Variants in SGCZ observed in about 807,000 individuals in gnomAD.
SGCZ encodes the protein zeta-sarcoglycan.
In SGCZ, 40 loss-of-function variants were observed where a neutral mutation model predicts 41.3. That is an observed-to-expected ratio of 0.97 (90% confidence interval 0.75 to 1.26). The LOEUF (loss-of-function observed/expected upper bound fraction) is 1.26, where lower values mean the gene tolerates loss of function less well. SGCZ is among the 50% of genes most tolerant of loss of function. SGCZ has a pLI of 0.00. For missense variants in SGCZ, 552 were observed against 369.8 expected (o/e 1.49, Z -4.04); for synonymous variants, 206 against 137.5 (o/e 1.50, Z -3.49).
chr8:14,612,476 C>T (rs1313884716), intron 1 of SGCZ, among the ~76,000 whole-genome samples: 1 of 152,006 alleles, frequency 6.6e-6, no homozygotes, highest in Non-Finnish European at 1.5e-5. Flanking sequence ...TATAACTTAC[C>T]CAGACTCAGG....
At chr8:14,573,168 C>T (rs1239448433) in intron 1 of SGCZ, among the ~76,000 whole-genome samples, 3 of 150,114 alleles carry the variant, frequency 2.0e-5, no homozygotes, top group African/African-American at 7.3e-5. Context: ...TTAAATTTGC[C>T]TCCAAGCTTT....
intron 1 of SGCZ, among the ~76,000 whole-genome samples, chr8:14,955,100 T>C (rs180706967): frequency 2.0e-5 from 3 of 152,280 alleles, no homozygotes; most frequent in African/African-American, 7.2e-5. Flanking sequence ...TTTTCTTCAA[T>C]AGTAATAATC....
In SGCZ at chr8:14,652,078, CT is replaced by C. The variant is rs1807418356; in HGVS notation, c.40-97153del. On this transcript the variant is annotated intron_variant, in intron 1 of 7. Coordinates refer to ENST00000382080, the MANE Select transcript of SGCZ (RefSeq NM_139167.4). The stretch of plus-strand genomic sequence containing the variant: ...ATCACGGAAAGAATAACAAAACATG[CT>C]TTTCTGATCTCTCAATGAGACGGAT... Among the ~76,000 whole-genome samples the C allele has an allele frequency of 3.3e-5, 5 of 151,796 alleles. No individual in the cohort carries two copies. The South Asian group carries it at 1.0e-3, about 32-fold the overall frequency.
chr8:14,114,847 G>A (rs967902430), intron 5 of SGCZ, among the ~76,000 whole-genome samples: 3 of 151,812 alleles, frequency 2.0e-5, no homozygotes, highest in African/African-American at 7.2e-5. Context: ...TGAGTTTTAG[G>A]AGGAAAAGCT....
At chr8:14,586,054 C>T (rs1407909499) in intron 1 of SGCZ, among the ~76,000 whole-genome samples, 1 of 152,170 alleles carries the variant, frequency 6.6e-6, no homozygotes, top group Non-Finnish European at 1.5e-5. Context: ...TCCAGCAATA[C>T]TAAGTTAAAA....
chr8:15,141,895 C>CA lies in SGCZ; in HGVS notation c.39+95689dup, dbSNP rs10553934. Among the ~76,000 whole-genome samples the CA allele has an allele frequency of 6.1e-4, 88 of 144,434 alleles. 1 individual carries two copies. The highest frequency in any genetic ancestry group is 4.1e-3 in the East Asian group (20 of 4,928). 94.8% of individuals were successfully genotyped at this position (144,434 alleles called of 152,430 possible). A position where few individuals can be genotyped will look rare whatever the true frequency, so the allele number is the denominator to read the frequency against. ...CAGCATGGCAACAGTGTGAGACTCT[C>CA]AAAAAAAAAAAAAACAAAAAAAATG... is the stretch of plus-strand genomic sequence containing the variant. On this transcript the variant is annotated intron_variant, in intron 1 of 7. Transcript: ENST00000382080.
At chr8:14,802,472 G>A (rs1359735078) in intron 1 of SGCZ, among the ~76,000 whole-genome samples, 1 of 152,060 alleles carries the variant, frequency 6.6e-6, no homozygotes, top group East Asian at 1.9e-4. Flanking sequence ...CCATTCAGGG[G>A]ATACTCCCAT....
chr8:14,460,487 T>G (rs768267), intron 2 of SGCZ, among the ~76,000 whole-genome samples: 6,937 of 152,208 alleles, frequency 0.046, 496 homozygotes, highest in African/African-American at 0.16. Flanking sequence ...GGAAAGGCAG[T>G]GGGACGATTT....
chr8:14,730,280 AATATAG>A (rs1454598789), intron 1 of SGCZ, among the ~76,000 whole-genome samples: 5 of 152,264 alleles, frequency 3.3e-5, no homozygotes, highest in Non-Finnish European at 5.9e-5. Context: ...TTTGAGAAAA[AATATAG>A]ATATAGAGAA....
chr8:14,456,857 G>A (rs182698585), intron 2 of SGCZ, among the ~76,000 whole-genome samples: 3 of 152,250 alleles, frequency 2.0e-5, no homozygotes, highest in African/African-American at 7.2e-5. Flanking sequence ...GTTCTCATAA[G>A]ATCTGGTGGT....
intron 2 of SGCZ, among the ~76,000 whole-genome samples, chr8:14,328,089 C>G (rs774325212): frequency 3.9e-5 from 6 of 152,084 alleles, no homozygotes; most frequent in Non-Finnish European, 8.8e-5. Flanking sequence ...AACGAATTTT[C>G]AAGGTTTTCC....
chr8:14,946,566 G>A (rs79907272), intron 1 of SGCZ, among the ~76,000 whole-genome samples: 27,783 of 151,834 alleles, frequency 0.18, 3,148 homozygotes, highest in East Asian at 0.31. Flanking sequence ...GTACTCTGCT[G>A]AGCGCCTGGC....
chr8:15,123,929 A>C (rs1342990167), intron 1 of SGCZ, among the ~76,000 whole-genome samples: 1 of 152,088 alleles, frequency 6.6e-6, no homozygotes, highest in African/African-American at 2.4e-5. Context: ...GGTAGTCTAC[A>C]AAAGAGGGAA....
At chr8:15,015,971 T>C (rs1459424518) in intron 1 of SGCZ, among the ~76,000 whole-genome samples, 1 of 152,132 alleles carries the variant, frequency 6.6e-6, no homozygotes, top group Non-Finnish European at 1.5e-5. Context: ...ATACTATTTG[T>C]AAAAATTATT....
At position 15,212,865 on chromosome 8, in the gene SGCZ, G is replaced by C. The variant is rs77334683; in HGVS notation, c.39+24720C>G. ...GACTTCAACATCATTACTTTAAAAA[G>C]GAGACAGTATTAACCTTCTATCTTT... On this transcript the variant is annotated intron_variant, in intron 1 of 7. Transcript: ENST00000382080. Among the ~76,000 whole-genome samples, 1,089 of 152,124 alleles carry C rather than the reference G, an allele frequency of 7.2e-3. 18 individuals are homozygous for C. Among genetic ancestry groups the C allele is most frequent in the East Asian group, 0.044 (228 of 5,180 alleles).
At chr8:15,055,415 C>A (rs556553802) in intron 1 of SGCZ, among the ~76,000 whole-genome samples, 1 of 152,104 alleles carries the variant, frequency 6.6e-6, no homozygotes. Flanking sequence ...TGGACAAACA[C>A]AGATGGAAAA....
At chr8:14,264,381 C>A (rs1486655163) in intron 3 of SGCZ, among the ~76,000 whole-genome samples, 2 of 152,130 alleles carry the variant, frequency 1.3e-5, no homozygotes, top group African/African-American at 4.8e-5. Flanking sequence ...TCACTCTAGG[C>A]TGGTTACTGT....
chr8:14,371,533 T>C lies in SGCZ; in HGVS notation c.235-47329A>G, dbSNP rs184986711. Among the ~76,000 whole-genome samples, 298 of 152,176 alleles carry C rather than the reference T, an allele frequency of 2.0e-3. 2 individuals are homozygous for C. Among genetic ancestry groups the C allele is most frequent in the Non-Finnish European group, 2.9e-3 (194 of 67,968 alleles). ...CGTATGTAAATATAAAAAAAAGTGT[T>C]TCTATATTTTTGGGGCATTCTAAGA... is the stretch of plus-strand genomic sequence containing the variant. On this transcript the variant is annotated intron_variant, in intron 2 of 7. Coordinates refer to ENST00000382080, the MANE Select transcript of SGCZ (RefSeq NM_139167.4).
intron 5 of SGCZ, among the ~76,000 whole-genome samples, chr8:14,161,832 G>T (rs1307464812): frequency 6.6e-6 from 1 of 151,928 alleles, no homozygotes; most frequent in East Asian, 1.9e-4. Flanking sequence ...GAGCCAGTGT[G>T]AAACACATAT....
Sources: allele counts gnomAD v4.1 joint callset (sites outside exome capture counted in the v4.1 genomes callset), GRCh38; gene constraint gnomAD v4.1.1; transcripts MANE v1.5; gene names NCBI Gene and HGNC (gene_info 2026-07-23, HGNC 2026-07-21).